TRAK1: variants seen among roughly 807,000 people sequenced by gnomAD.
TRAK1 encodes trafficking kinesin-binding protein 1.
A neutral mutation model predicts 92.1 loss-of-function variants in TRAK1; 33 were observed. The observed-to-expected ratio is 0.36, with a 90% CI of 0.27 to 0.48. The LOEUF (loss-of-function observed/expected upper bound fraction) is 0.48. Ranked by LOEUF, TRAK1 falls within the 20% of genes least tolerant of loss-of-function variation. The pLI, the probability that TRAK1 is intolerant of heterozygous loss-of-function variation, is 0.99. For synonymous variants in TRAK1, 521 were observed against 517.3 expected (o/e 1.01, Z -0.10); for missense variants, 1,123 against 1,257.9 (o/e 0.89, Z 1.62).
chr3:42,145,435 A>G (rs1699200219), intron 2 of TRAK1, among the ~76,000 whole-genome samples: 1 of 151,850 alleles, frequency 6.6e-6, no homozygotes, highest in African/African-American at 2.4e-5. Flanking sequence ...CAGTGAGCCA[A>G]GATTGTGCCA....
chr3:42,115,191 G>A (rs1421372243), intron 1 of TRAK1, among the ~76,000 whole-genome samples: 1 of 152,132 alleles, frequency 6.6e-6, no homozygotes, highest in East Asian at 1.9e-4. Flanking sequence ...AAATAAATTT[G>A]TGTACAATTT....
chr3:42,146,791 A>C (rs1450462531), intron 2 of TRAK1, among the ~76,000 whole-genome samples: 1 of 152,124 alleles, frequency 6.6e-6, no homozygotes, highest in African/African-American at 2.4e-5. Context: ...CCTGGCCTCA[A>C]ACTATCCTTC....
At chr3:42,179,256 G>T (rs1344575413) in intron 3 of TRAK1, among the ~76,000 whole-genome samples, 1 of 152,212 alleles carries the variant, frequency 6.6e-6, no homozygotes, top group African/African-American at 2.4e-5. Flanking sequence ...AGGGTGTCCT[G>T]GTTAAAGTCT....
intron 1 of TRAK1, among the ~76,000 whole-genome samples, chr3:42,107,410 G>T (rs2149049551): frequency 6.6e-6 from 1 of 152,148 alleles, no homozygotes; most frequent in Non-Finnish European, 1.5e-5. Flanking sequence ...TACTTGGGAG[G>T]CTGAGGCAGG....
chr3:42,158,787 CAAA>C (rs149521969), intron 2 of TRAK1, among the ~76,000 whole-genome samples: 11,583 of 69,420 alleles, frequency 0.17, 545 homozygotes, highest in Non-Finnish European at 0.24. Context: ...ACAAAAAATA[CAAA>C]AAAAAAAAAA....
intron 1 of TRAK1, among the ~76,000 whole-genome samples, chr3:42,026,295 G>T (rs1290097875): frequency 1.3e-5 from 2 of 152,168 alleles, no homozygotes; most frequent in Non-Finnish European, 2.9e-5. Context: ...ATATACTAGA[G>T]AATTTTTTTG....
At position 42,057,988 on chromosome 3, in the gene TRAK1, A is replaced by G. The variant is rs78088175; in HGVS notation, c.-518-29116A>G. Among the ~76,000 whole-genome samples the G allele has an allele frequency of 2.6e-3, 391 of 152,334 alleles. 1 individual carries two copies. Among genetic ancestry groups the G allele is most frequent in the African/African-American group, 8.4e-3 (351 of 41,576 alleles). On this transcript the variant is annotated intron_variant, in intron 1 of 16. Coordinates refer to the TRAK1 transcript ENST00000487159. Reference sequence around the variant, plus strand: ...TGAGCTTCCTTGTAAAGCTGAACTCAAATATCATTTCCTCCTTTACTGCTA... The same window carrying G: ...TGAGCTTCCTTGTAAAGCTGAACTCGAATATCATTTCCTCCTTTACTGCTA...
chr3:42,077,881 T>A (rs6801363), intron 1 of TRAK1, among the ~76,000 whole-genome samples: 83,652 of 151,998 alleles, frequency 0.55, 23,589 homozygotes, highest in South Asian at 0.68. Context: ...GTATAGAATG[T>A]TATTGTCTGT....
chr3:42,155,077 G>C (rs1225522441), intron 2 of TRAK1, among the ~76,000 whole-genome samples: 1 of 152,044 alleles, frequency 6.6e-6, no homozygotes, highest in African/African-American at 2.4e-5. Flanking sequence ...AATTATGTAA[G>C]TAGGCACTGG....
chr3:42,148,014 A>T (rs1699531051), intron 2 of TRAK1, among the ~76,000 whole-genome samples: 1 of 132,802 alleles, frequency 7.5e-6, no homozygotes, highest in Non-Finnish European at 1.7e-5. Flanking sequence ...AGACATACAC[A>T]TACATAGAAA....
chr3:42,167,734 G>T (rs1356670857), intron 2 of TRAK1, among the ~76,000 whole-genome samples: 1 of 152,122 alleles, frequency 6.6e-6, no homozygotes, highest in East Asian at 1.9e-4. Context: ...CAAAAAATTA[G>T]CTGGGCGTGG....
At chr3:42,197,662 T>C (rs1438019002) in intron 10 of TRAK1, among the ~76,000 whole-genome samples, 2 of 152,242 alleles carry the variant, frequency 1.3e-5, no homozygotes, top group African/African-American at 4.8e-5. Context: ...AAGTCCTTAC[T>C]GGACATAACG....
intron 1 of TRAK1, among the ~76,000 whole-genome samples, chr3:42,078,928 G>GAAC (rs1704294113): frequency 6.6e-6 from 1 of 152,116 alleles, no homozygotes; most frequent in Non-Finnish European, 1.5e-5. Context: ...AAAGCATAAG[G>GAAC]AACACAGGAA....
chr3:42,136,754 C>T (rs928516781), intron 2 of TRAK1, among the ~76,000 whole-genome samples: 1 of 152,090 alleles, frequency 6.6e-6, no homozygotes, highest in Admixed American at 6.5e-5. Flanking sequence ...GTGTTCTTGG[C>T]TCACTGCAAT....
chr3:42,046,439 G>T (rs1167253894), intron 1 of TRAK1, among the ~76,000 whole-genome samples: 10 of 152,050 alleles, frequency 6.6e-5, no homozygotes, highest in Admixed American at 5.9e-4. Context: ...TAGGGGCCAC[G>T]TCTCTACGGC....
intron 2 of TRAK1, among the ~76,000 whole-genome samples, chr3:42,156,683 C>T (rs2149280205): frequency 6.6e-6 from 1 of 152,284 alleles, no homozygotes; most frequent in East Asian, 1.9e-4. Context: ...TCCCATCCAT[C>T]CACATAAATG....
At position 42,223,170 on chromosome 3, in the gene TRAK1, C is replaced by A; in HGVS notation, c.2295C>A (p.Gly765=). The change falls in exon 16 of 16, where the codon GGC becomes GGA. Residue 765 remains glycine (G), a synonymous_variant. Transcript: ENST00000327628. The surrounding 1 kb of genome is among the most constrained non-coding windows in gnomAD (Gnocchi z 6.1). ...AGAGCTGGGACAGGGCCGGCCGGGGCTCCCTCCTGCACTCCTACACGCCCA... is the reference window on the plus strand; with the variant it reads ...AGAGCTGGGACAGGGCCGGCCGGGGATCCCTCCTGCACTCCTACACGCCCA... ...DPQSWDRAGR[G]SLLHSYTPKM... 6.2e-7 allele frequency: 1 copy of A among 1,613,596 alleles called. No homozygotes were observed. The highest frequency in any genetic ancestry group is 8.5e-7 in the Non-Finnish European group (1 of 1,179,918).
chr3:42,086,311 CTTTTTT>C (rs750932535), upstream of TRAK1, among the ~76,000 whole-genome samples: 1 of 140,478 alleles, frequency 7.1e-6, no homozygotes, highest in African/African-American at 2.8e-5. Flanking sequence ...CTTTTTCTTT[CTTTTTT>C]TTTTTTTGAG....
chr3:42,215,479 G>A (rs1286350045), intron 14 of TRAK1, among the ~76,000 whole-genome samples: 1 of 147,810 alleles, frequency 6.8e-6, no homozygotes, highest in Non-Finnish European at 1.5e-5. Flanking sequence ...TGAACAGGCT[G>A]GCCTGTGGGT....
Sources: allele counts gnomAD v4.1 joint callset (sites outside exome capture counted in the v4.1 genomes callset), GRCh38; gene constraint gnomAD v4.1.1; non-coding constraint Gnocchi (gnomAD v3.1); transcripts MANE v1.5; gene names NCBI Gene and HGNC (gene_info 2026-07-23, HGNC 2026-07-21).